The following AFF3 variants were observed in gnomAD, a reference collection of about 807,000 sequenced individuals.
AFF3 encodes ALF transcription elongation factor 3.
Under a neutral mutation model 129.7 loss-of-function variants are expected in AFF3, and 32 were observed. The ratio of observed to expected loss-of-function variants is 0.25; its 90% confidence interval spans 0.19 to 0.33. The LOEUF (loss-of-function observed/expected upper bound fraction) is 0.33, where lower values mean the gene tolerates loss of function less well. Among genes scored for constraint, AFF3 ranks in the 10% least tolerant of loss-of-function variants. AFF3 has a pLI of 1.00. For synonymous variants in AFF3, 644 were observed against 635.4 expected, an observed-to-expected ratio of 1.01 and a Z score of -0.20; for missense variants, 1,373 against 1,592.0, an observed-to-expected ratio of 0.86 and a Z score of 2.34.
At chr2:100,045,597 A>C (rs1461240465) in intron 4 of AFF3, among the ~76,000 whole-genome samples, 1 of 151,374 alleles carries the variant, frequency 6.6e-6, no homozygotes, top group Non-Finnish European at 1.5e-5. Flanking sequence ...AGTTACAGCA[A>C]ATGTGCCTGC....
At chr2:99,920,024 T>C (rs1204759493) in intron 7 of AFF3, among the ~76,000 whole-genome samples, 3 of 152,034 alleles carry the variant, frequency 2.0e-5, no homozygotes, top group Non-Finnish European at 2.9e-5. Flanking sequence ...CAGAAAGATA[T>C]AGAAAATCTA....
At chr2:99,693,028 C>T (rs1222853020) in intron 11 of AFF3, among the ~76,000 whole-genome samples, 1 of 152,226 alleles carries the variant, frequency 6.6e-6, no homozygotes, top group Admixed American at 6.5e-5. Flanking sequence ...GTCACCAATC[C>T]ATACTCCCAT....
intron 8 of AFF3, among the ~76,000 whole-genome samples, chr2:99,764,494 G>A (rs577189321): frequency 6.6e-6 from 1 of 152,176 alleles, no homozygotes; most frequent in Non-Finnish European, 1.5e-5. Context: ...TCTGTGTCAA[G>A]TACATTCCTG....
At chr2:100,015,938 ATGGTGGTGG>A (rs373721833) in intron 4 of AFF3, among the ~76,000 whole-genome samples, 1 of 151,246 alleles carries the variant, frequency 6.6e-6, no homozygotes, top group South Asian at 2.1e-4. Flanking sequence ...GATGGTTATG[ATGGTGGTGG>A]TGGTGGTGAT....
intron 4 of AFF3, among the ~76,000 whole-genome samples, chr2:100,046,464 T>C (rs1239856646): frequency 1.3e-5 from 2 of 152,318 alleles, no homozygotes; most frequent in South Asian, 2.1e-4. Flanking sequence ...GCAGTCCTCA[T>C]TGGAAAACTA....
At chr2:99,588,199 G>T (rs1338736686) in intron 15 of AFF3, among the ~76,000 whole-genome samples, 1 of 151,998 alleles carries the variant, frequency 6.6e-6, no homozygotes, top group Admixed American at 6.5e-5. Context: ...TTTATTTAGA[G>T]ACAGTCTTGC....
At chr2:100,108,497 C>A (rs79224534) in intron 2 of AFF3, among the ~76,000 whole-genome samples, 11 of 152,208 alleles carry the variant, frequency 7.2e-5, no homozygotes, top group African/African-American at 2.6e-4. Flanking sequence ...TATCCTCTGG[C>A]GAAGAACTTC....
intron 4 of AFF3, among the ~76,000 whole-genome samples, chr2:100,103,449 G>A (rs1323691535): frequency 1.3e-5 from 2 of 150,172 alleles, no homozygotes; most frequent in Non-Finnish European, 3.0e-5. Context: ...AGTTCCTCCA[G>A]GAATATGCAG....
At chr2:99,633,560 T>G (rs1171332565) in intron 13 of AFF3, among the ~76,000 whole-genome samples, 3 of 152,298 alleles carry the variant, frequency 2.0e-5, no homozygotes, top group African/African-American at 7.2e-5. Flanking sequence ...CATTGGAGTT[T>G]GAGCCTCACT....
At chr2:99,777,468 T>G (rs1454316732) in intron 8 of AFF3, among the ~76,000 whole-genome samples, 2 of 152,116 alleles carry the variant, frequency 1.3e-5, no homozygotes, top group Non-Finnish European at 2.9e-5. Flanking sequence ...TGAATGCTGC[T>G]GCATCCCAGG....
At chr2:99,818,800 C>T (rs529099096) in intron 8 of AFF3, among the ~76,000 whole-genome samples, 1 of 152,104 alleles carries the variant, frequency 6.6e-6, no homozygotes, top group East Asian at 1.9e-4. Flanking sequence ...ATATAGTATA[C>T]TAGAACATGT....
At chr2:100,056,759 T>C (rs1686821617) in intron 4 of AFF3, among the ~76,000 whole-genome samples, 1 of 152,174 alleles carries the variant, frequency 6.6e-6, no homozygotes, top group African/African-American at 2.4e-5. Flanking sequence ...GGCTATGTCC[T>C]TTTTTGTGGG....
At chr2:100,105,795 C>T in intron 2 of AFF3, 2 of 1,354,400 alleles carry the variant, frequency 1.5e-6, no homozygotes, top group Non-Finnish European at 2.0e-6. Context: ...GGCCACAGCT[C>T]CGGATTCTCA....
At chr2:99,919,255 T>A (rs1440020040) in intron 7 of AFF3, among the ~76,000 whole-genome samples, 3 of 152,196 alleles carry the variant, frequency 2.0e-5, no homozygotes, top group Admixed American at 2.0e-4. Flanking sequence ...TTACCATATT[T>A]CCCACATCAA....
At chr2:99,575,542 T>C (rs2104749451) in intron 18 of AFF3, among the ~76,000 whole-genome samples, 1 of 151,918 alleles carries the variant, frequency 6.6e-6, no homozygotes, top group Middle Eastern at 3.4e-3. Flanking sequence ...ATTACAGGCA[T>C]GAGCCACCGC....
intron 7 of AFF3, among the ~76,000 whole-genome samples, chr2:99,949,158 A>G (rs1363340848): frequency 6.6e-6 from 1 of 152,216 alleles, no homozygotes; most frequent in Non-Finnish European, 1.5e-5. Context: ...GTAAAATGGA[A>G]AAATAATATT....
intron 8 of AFF3, among the ~76,000 whole-genome samples, chr2:99,808,437 C>G (rs1274246066): frequency 6.6e-6 from 1 of 152,170 alleles, no homozygotes; most frequent in African/African-American, 2.4e-5. Flanking sequence ...TCTTTGGCTA[C>G]CAGATGCCCA....
At chr2:99,577,367 A>G (rs1348317997) in intron 18 of AFF3, among the ~76,000 whole-genome samples, 5 of 152,058 alleles carry the variant, frequency 3.3e-5, no homozygotes, top group African/African-American at 1.2e-4. Flanking sequence ...ACCCCTTAGG[A>G]GACGGCATTT....
chr2:99,950,663 T>G (rs1676069364), intron 7 of AFF3, among the ~76,000 whole-genome samples: 3 of 152,228 alleles, frequency 2.0e-5, no homozygotes, highest in Non-Finnish European at 4.4e-5. Flanking sequence ...GATTTAACCA[T>G]TCCAAATTCA....
Sources: gnomAD v4.1 joint callset for allele counts (sites outside exome capture counted in the v4.1 genomes callset) on GRCh38, gnomAD v4.1.1 for gene constraint, MANE v1.5 for transcripts, NCBI Gene and HGNC (gene_info 2026-07-23, HGNC 2026-07-21) for gene names.